Variants in SPAG16 observed in about 807,000 individuals in gnomAD.
SPAG16 encodes sperm-associated antigen 16 protein.
SPAG16 carries 86 observed loss-of-function variants against 80.4 expected under a neutral mutation model. The ratio of observed to expected loss-of-function variants is 1.07; its 90% confidence interval spans 0.90 to 1.28. SPAG16 has a LOEUF of 1.28. SPAG16 is among the 50% of genes most tolerant of loss of function. The pLI is 0.00. For missense variants in SPAG16, 870 were observed against 765.3 expected (o/e 1.14, Z -1.61); for synonymous variants, 294 against 265.9 (o/e 1.11, Z -1.03).
At chr2:214,112,811 GC>G (rs2053740222) in intron 14 of SPAG16, among the ~76,000 whole-genome samples, 1 of 151,958 alleles carries the variant, frequency 6.6e-6, no homozygotes, top group Non-Finnish European at 1.5e-5. Context: ...GGGGCATATG[GC>G]CCATTTACAT....
intron 10 of SPAG16, among the ~76,000 whole-genome samples, chr2:213,744,922 A>G (rs2067744377): frequency 6.6e-6 from 1 of 152,234 alleles, no homozygotes; most frequent in South Asian, 2.1e-4. Flanking sequence ...AAACAAAAAT[A>G]CATGTTTACT....
intron 13 of SPAG16, among the ~76,000 whole-genome samples, chr2:214,054,252 C>T (rs561224845): frequency 1.7e-4 from 26 of 152,270 alleles, no homozygotes; most frequent in African/African-American, 5.8e-4. Flanking sequence ...TCAGGTGATC[C>T]GCCTGCCTTG....
chr2:213,904,268 T>C (rs576211412), intron 11 of SPAG16, among the ~76,000 whole-genome samples: 2 of 152,238 alleles, frequency 1.3e-5, no homozygotes, highest in East Asian at 3.9e-4. Flanking sequence ...TACTGGAGAC[T>C]GGGAAGAAAA....
At chr2:213,750,877 T>C (rs1428895198) in intron 10 of SPAG16, among the ~76,000 whole-genome samples, 4 of 152,226 alleles carry the variant, frequency 2.6e-5, no homozygotes, top group African/African-American at 9.6e-5. Context: ...ATCCTCATCA[T>C]AACAGCTTCC....
chr2:213,969,160 A>G (rs911576012), intron 12 of SPAG16, among the ~76,000 whole-genome samples: 1 of 152,208 alleles, frequency 6.6e-6, no homozygotes, highest in Admixed American at 6.5e-5. Context: ...AGGCAAAGAC[A>G]TGGTAGAAAA....
intron 13 of SPAG16, among the ~76,000 whole-genome samples, chr2:214,042,466 A>AAC (rs2049090426): frequency 7.1e-6 from 1 of 141,124 alleles, no homozygotes; most frequent in Admixed American, 7.1e-5. Flanking sequence ...ACAACAACAA[A>AAC]AACTCCTTAC....
At chr2:214,133,307 T>C (rs1012698307) in intron 14 of SPAG16, among the ~76,000 whole-genome samples, 2 of 152,090 alleles carry the variant, frequency 1.3e-5, no homozygotes, top group African/African-American at 4.8e-5. Flanking sequence ...AAGATGTCTC[T>C]GGACATTGCC....
At chr2:213,760,049 A>T (rs1344894528) in intron 10 of SPAG16, among the ~76,000 whole-genome samples, 2 of 152,202 alleles carry the variant, frequency 1.3e-5, no homozygotes, top group Non-Finnish European at 2.9e-5. Flanking sequence ...AAAGAAAAAA[A>T]AAAGAATTCA....
chr2:213,292,854 A>G (rs934392646), intron 1 of SPAG16, among the ~76,000 whole-genome samples: 2 of 152,054 alleles, frequency 1.3e-5, no homozygotes, highest in Non-Finnish European at 1.5e-5. Flanking sequence ...AGAAATGACA[A>G]CAAACACTTG....
chr2:214,257,384 T>C (rs1690767935), intron 15 of SPAG16, among the ~76,000 whole-genome samples: 1 of 152,006 alleles, frequency 6.6e-6, no homozygotes, highest in Admixed American at 6.6e-5. Context: ...CTTATCCTAT[T>C]GCGCTCTTAA....
chr2:214,322,124 T>C (rs1240898159), intron 15 of SPAG16, among the ~76,000 whole-genome samples: 1 of 152,226 alleles, frequency 6.6e-6, no homozygotes, highest in African/African-American at 2.4e-5. Context: ...TCCATGCTGT[T>C]AGCACACTGA....
chr2:213,521,966 T>C (rs1038808854), intron 10 of SPAG16, among the ~76,000 whole-genome samples: 14 of 152,196 alleles, frequency 9.2e-5, no homozygotes, highest in African/African-American at 3.4e-4. Context: ...TGGAAACCAA[T>C]ATTCATGATG....
chr2:213,373,041 A>G (rs1444068287), intron 8 of SPAG16, among the ~76,000 whole-genome samples: 7 of 152,198 alleles, frequency 4.6e-5, no homozygotes, highest in Admixed American at 3.3e-4. Context: ...TCAAGAAAGT[A>G]TGCATGCCTT....
chr2:213,516,065 C>T (rs918712380), intron 10 of SPAG16, among the ~76,000 whole-genome samples: 8 of 152,140 alleles, frequency 5.3e-5, no homozygotes, highest in Non-Finnish European at 1.2e-4. Context: ...TAAGTGATGC[C>T]TATAAAGCCG....
intron 10 of SPAG16, among the ~76,000 whole-genome samples, chr2:213,749,752 T>G (rs2067998167): frequency 1.3e-5 from 2 of 152,242 alleles, no homozygotes; most frequent in Non-Finnish European, 2.9e-5. Context: ...TTTATTTTGT[T>G]CTCCTTCTTT....
At chr2:213,418,286 T>G (rs566953021) in intron 9 of SPAG16, among the ~76,000 whole-genome samples, 1 of 152,254 alleles carries the variant, frequency 6.6e-6, no homozygotes, top group South Asian at 2.1e-4. Context: ...TATGCACACA[T>G]GTACACTTCT....
At chr2:213,585,470 T>A (rs558833857) in intron 10 of SPAG16, among the ~76,000 whole-genome samples, 2 of 151,886 alleles carry the variant, frequency 1.3e-5, no homozygotes, top group East Asian at 3.9e-4. Context: ...AGAGATGGGG[T>A]TTCACCATGT....
intron 10 of SPAG16, among the ~76,000 whole-genome samples, chr2:213,620,412 AC>A (rs1299319374): frequency 3.4e-5 from 5 of 146,374 alleles, no homozygotes; most frequent in Non-Finnish European, 5.9e-5. Flanking sequence ...CCTGCCTCAG[AC>A]TCCTGAGTAG....
At chr2:214,264,393 A>G (rs1396818643) in intron 15 of SPAG16, among the ~76,000 whole-genome samples, 1 of 152,136 alleles carries the variant, frequency 6.6e-6, no homozygotes, top group African/African-American at 2.4e-5. Flanking sequence ...TGCTATGCTC[A>G]CTAATCCATT....
Sources: gnomAD v4.1 joint callset for allele counts (sites outside exome capture counted in the v4.1 genomes callset) on GRCh38, gnomAD v4.1.1 for gene constraint, MANE v1.5 for transcripts, NCBI Gene and HGNC (gene_info 2026-07-23, HGNC 2026-07-21) for gene names.